LUC7L: variants seen among roughly 807,000 people sequenced by gnomAD.
LUC7L encodes LUC7 like.
In LUC7L, 29 loss-of-function variants were observed where a neutral mutation model predicts 51.1. The observed-to-expected ratio is 0.57, with a 90% CI of 0.42 to 0.77. The LOEUF is 0.77. Among genes scored for constraint, LUC7L ranks in the 30% least tolerant of loss-of-function variants. The probability of loss-of-function intolerance (pLI) is 0.00; values close to 1 mark genes in which losing one functional copy is unlikely to be tolerated. For missense variants in LUC7L, 403 were observed against 511.9 expected (o/e 0.79, Z 2.05); for synonymous variants, 181 against 180.7 (o/e 1.00, Z -0.01).
chr16:218,090 G>A (rs2049858518), intron 3 of LUC7L, among the ~76,000 whole-genome samples: 2 of 151,864 alleles, frequency 1.3e-5, no homozygotes, highest in African/African-American at 2.4e-5. Flanking sequence ...CTACTCAGGA[G>A]GCTGAGGTAG....
chr16:190,577 G>C lies in LUC7L; in HGVS notation c.777-7C>G. 6.2e-7 allele frequency: 1 copy of C among 1,612,848 alleles called. No individual in the cohort carries two copies. Among genetic ancestry groups the C allele is most frequent in the Non-Finnish European group, 8.5e-7 (1 of 1,179,856 alleles). On this transcript the variant is annotated splice_region_variant and splice_polypyrimidine_tract_variant and intron_variant, in intron 7 of 9. Coordinates refer to ENST00000293872, the MANE Select transcript of LUC7L (RefSeq NM_201412.3). ...TCTGGTTCTTGATCCCGACCTAAAAGGGGGAAAAAAAGATGAACAAGGCCA... is the reference window on the plus strand; with the variant it reads ...TCTGGTTCTTGATCCCGACCTAAAACGGGGAAAAAAAGATGAACAAGGCCA...
intron 2 of LUC7L, among the ~76,000 whole-genome samples, chr16:224,400 T>C (rs2050064689): frequency 6.6e-6 from 1 of 151,502 alleles, no homozygotes. Flanking sequence ...ACGTTTGTAA[T>C]CCCAGCTACT....
At chr16:196,423 C>CAA (rs1348268387) in intron 6 of LUC7L, among the ~76,000 whole-genome samples, 4 of 148,314 alleles carry the variant, frequency 2.7e-5, no homozygotes, top group African/African-American at 1.0e-4. Context: ...AACAAACAAA[C>CAA]AAACAAAAAA....
intron 2 of LUC7L, among the ~76,000 whole-genome samples, chr16:225,519 T>G (rs1286830703): frequency 4.0e-5 from 5 of 126,296 alleles, no homozygotes; most frequent in Non-Finnish European, 8.2e-5. Flanking sequence ...AGAGTTTTGC[T>G]CTTGTTGCCC....
chr16:202,230 T>C (rs1409059407), intron 5 of LUC7L, among the ~76,000 whole-genome samples: 1 of 125,626 alleles, frequency 8.0e-6, no homozygotes, highest in Non-Finnish European at 1.9e-5. Flanking sequence ...AGTCAGCATA[T>C]CACATGGCAA....
chr16:211,191 G>A (rs893978515), intron 3 of LUC7L, among the ~76,000 whole-genome samples: 1 of 152,214 alleles, frequency 6.6e-6, no homozygotes, highest in South Asian at 2.1e-4. Flanking sequence ...AATTAGCCAG[G>A]CGTGGTGGCG....
chr16:217,241 T>C (rs1218891013), intron 3 of LUC7L, among the ~76,000 whole-genome samples: 1 of 151,456 alleles, frequency 6.6e-6, no homozygotes, highest in Non-Finnish European at 1.5e-5. Context: ...AGTCTTCAAC[T>C]CCCGACCTCA....
chr16:212,680 C>G (rs2049677742), intron 3 of LUC7L, among the ~76,000 whole-genome samples: 1 of 152,072 alleles, frequency 6.6e-6, no homozygotes, highest in African/African-American at 2.4e-5. Context: ...TTCAAAACAT[C>G]ACATGGCCAG....
In LUC7L at chr16:219,005, A is replaced by G. The variant is rs537151510; in HGVS notation, c.255+1644T>C. Among the ~76,000 whole-genome samples, 7 of 149,412 alleles carry G rather than the reference A, an allele frequency of 4.7e-5. No homozygotes were observed. The East Asian group carries it at 1.4e-3, about 30-fold the overall frequency. ...CCGCAGCTACTCAGGAATCCGAGGCAGGGCTATCACTGAGCCGAAGAGGTC... is the reference window on the plus strand; with the variant it reads ...CCGCAGCTACTCAGGAATCCGAGGCGGGGCTATCACTGAGCCGAAGAGGTC... On this transcript the variant is annotated intron_variant, in intron 3 of 9. Coordinates refer to ENST00000293872, the MANE Select transcript of LUC7L (RefSeq NM_201412.3).
intron 3 of LUC7L, among the ~76,000 whole-genome samples, chr16:214,025 C>A (rs541760517): frequency 6.7e-6 from 1 of 149,090 alleles, no homozygotes; most frequent in Non-Finnish European, 1.5e-5. Context: ...GAGTTGAAAT[C>A]GTTACAGCTT....
At chr16:225,167 G>A (rs1205454292) in intron 2 of LUC7L, among the ~76,000 whole-genome samples, 3 of 151,966 alleles carry the variant, frequency 2.0e-5, no homozygotes, top group South Asian at 2.1e-4. Context: ...GACCAGGAAG[G>A]GCACCAAAGT....
intron 3 of LUC7L, among the ~76,000 whole-genome samples, chr16:212,604 A>G (rs2049675200): frequency 6.6e-6 from 1 of 152,132 alleles, no homozygotes; most frequent in Admixed American, 6.6e-5. Flanking sequence ...TACAATCAGA[A>G]CTGGTCTCAT....
At chr16:200,148 C>T (rs1240224680) in intron 5 of LUC7L, among the ~76,000 whole-genome samples, 1 of 151,644 alleles carries the variant, frequency 6.6e-6, no homozygotes. Flanking sequence ...ATTGGCCGGG[C>T]GCGGTGGCTC....
intron 4 of LUC7L, among the ~76,000 whole-genome samples, chr16:207,379 G>A (rs2049513268): frequency 6.6e-6 from 1 of 151,988 alleles, no homozygotes; most frequent in African/African-American, 2.4e-5. Context: ...GCACCACCAA[G>A]CCTGGCTAAT....
Position 221,686 on chromosome 16 carries a change from A to C in LUC7L, c.157-939T>G, listed in dbSNP as rs529277410. ...CCACTGCACTCCAGCCTGGGTGATAAAGTGAGACTCTGTCTCAGAAAAGGG... is the reference window on the plus strand; with the variant it reads ...CCACTGCACTCCAGCCTGGGTGATACAGTGAGACTCTGTCTCAGAAAAGGG... On this transcript the variant is annotated intron_variant, in intron 2 of 9. Transcript: ENST00000293872. 2.6e-5 allele frequency among the ~76,000 whole-genome samples: 4 copies of C among 152,096 alleles called. No homozygotes were observed. The South Asian group carries it at 8.3e-4, about 32-fold the overall frequency.
chr16:196,626 C>T (rs2049156421), intron 6 of LUC7L, among the ~76,000 whole-genome samples: 1 of 147,686 alleles, frequency 6.8e-6, no homozygotes, highest in African/African-American at 2.5e-5. Flanking sequence ...CTCCCGGGTT[C>T]AAGCGATTCT....
At chr16:224,670 A>C (rs1444432330) in intron 2 of LUC7L, among the ~76,000 whole-genome samples, 2 of 150,976 alleles carry the variant, frequency 1.3e-5, no homozygotes, top group Non-Finnish European at 2.9e-5. Context: ...TCTCTACTAA[A>C]AATACAAAAA....
chr16:219,613 C>T (rs1020819196), intron 3 of LUC7L, among the ~76,000 whole-genome samples: 2 of 151,848 alleles, frequency 1.3e-5, no homozygotes, highest in Non-Finnish European at 2.9e-5. Flanking sequence ...GTGGCTCAAC[C>T]TGTAATCCCA....
chr16:223,708 C>T (rs980130006), intron 2 of LUC7L, among the ~76,000 whole-genome samples: 1 of 151,290 alleles, frequency 6.6e-6, no homozygotes, highest in African/African-American at 2.4e-5. Context: ...CTCACTCTGT[C>T]GCCCAGGCTG....
Sources: gnomAD v4.1 joint callset for allele counts (sites outside exome capture counted in the v4.1 genomes callset) on GRCh38, gnomAD v4.1.1 for gene constraint, MANE v1.5 for transcripts, NCBI Gene and HGNC (gene_info 2026-07-23, HGNC 2026-07-21) for gene names.